RIMS4: variants seen among roughly 807,000 people sequenced by gnomAD.
RIMS4 encodes the protein regulating synaptic membrane exocytosis 4, also known as regulating synaptic membrane exocytosis protein 4.
RIMS4 carries 9 observed loss-of-function variants against 29.0 expected under a neutral mutation model. The observed-to-expected ratio is 0.31, with a 90% CI of 0.19 to 0.54. RIMS4 has a LOEUF of 0.54. Among genes scored for constraint, RIMS4 ranks in the 20% least tolerant of loss-of-function variants. RIMS4 has a pLI of 0.94. For missense variants in RIMS4, 193 were observed against 365.7 expected, an observed-to-expected ratio of 0.53 and a Z score of 3.85; for synonymous variants, 130 against 152.9, an observed-to-expected ratio of 0.85 and a Z score of 1.10.
chr20:44,795,393 TGG>T (rs1467773580), intron 1 of RIMS4, among the ~76,000 whole-genome samples: 6 of 152,174 alleles, frequency 3.9e-5, no homozygotes, highest in Non-Finnish European at 7.4e-5. Context: ...CCCAGCACTT[TGG>T]GAGGCTGAGG....
intron 1 of RIMS4, among the ~76,000 whole-genome samples, chr20:44,796,229 A>C (rs1056719902): frequency 6.6e-6 from 1 of 150,978 alleles, no homozygotes; most frequent in Non-Finnish European, 1.5e-5. Context: ...TACTTGTCTT[A>C]TATGCCTCTT....
intron 1 of RIMS4, among the ~76,000 whole-genome samples, chr20:44,782,873 C>A (rs558070527): frequency 1.2e-4 from 19 of 152,300 alleles, no homozygotes; most frequent in Admixed American, 1.2e-3. Context: ...CTCAAGACAC[C>A]AAATGGTTTG....
At chr20:44,773,215 G>A (rs116153390) in intron 1 of RIMS4, among the ~76,000 whole-genome samples, 138 of 152,236 alleles carry the variant, frequency 9.1e-4, no homozygotes, top group African/African-American at 3.2e-3. Context: ...TCTTCCCTGC[G>A]TGTTTCTGAA....
At chr20:44,780,435 T>G (rs536182876) in intron 1 of RIMS4, among the ~76,000 whole-genome samples, 1 of 152,322 alleles carries the variant, frequency 6.6e-6, no homozygotes, top group East Asian at 1.9e-4. Context: ...CTACGAAGCA[T>G]CCCTATCTGT....
Position 44,756,093 on chromosome 20 carries a change from G to T in RIMS4, c.*41C>A. ...CTGGGGTCCCAGGTCAGGGCTGGGT[G>T]GTCTCCAGGCCATCTTGGGGAGCCC... is the stretch of plus-strand genomic sequence containing the variant. On this transcript the variant is annotated 3_prime_UTR_variant, in exon 6 of 6. Transcript: ENST00000372851. The surrounding 1 kb of genome is among the most constrained non-coding windows in gnomAD (Gnocchi z 5.9). 1 of 1,489,014 alleles carries T rather than the reference G, an allele frequency of 6.7e-7. No individual in the cohort carries two copies. Among genetic ancestry groups the T allele is most frequent in the South Asian group, 1.2e-5 (1 of 80,588 alleles). 92.2% of individuals were successfully genotyped at this position (1,489,014 alleles called of 1,614,324 possible). A position where few individuals can be genotyped will look rare whatever the true frequency, so the allele number is the denominator to read the frequency against.
intron 1 of RIMS4, 119 bp downstream of exon 1, chr20:44,810,056 C>A: frequency 2.3e-6 from 1 of 429,482 alleles, no homozygotes. Context: ...GAAGGAGACC[C>A]TGGGGGCGCC....
At chr20:44,798,015 C>G (rs1319361822) in intron 1 of RIMS4, among the ~76,000 whole-genome samples, 1 of 152,206 alleles carries the variant, frequency 6.6e-6, no homozygotes, top group Non-Finnish European at 1.5e-5. Context: ...CATCCCACGA[C>G]AAATCAACTA....
At chr20:44,763,959 C>CATTT (rs1390414451) in intron 2 of RIMS4, among the ~76,000 whole-genome samples, 4 of 152,046 alleles carry the variant, frequency 2.6e-5, no homozygotes, top group Non-Finnish European at 4.4e-5. Flanking sequence ...TCCATCCATC[C>CATTT]ATCCATTTAT....
intron 1 of RIMS4, among the ~76,000 whole-genome samples, chr20:44,791,065 G>A (rs1295780116): frequency 6.6e-6 from 1 of 152,208 alleles, no homozygotes; most frequent in African/African-American, 2.4e-5. Flanking sequence ...TATCCCTGTG[G>A]AGACTGGCCT....
chr20:44,805,506 C>T (rs1037948777), intron 1 of RIMS4, among the ~76,000 whole-genome samples: 1 of 151,838 alleles, frequency 6.6e-6, no homozygotes, highest in Non-Finnish European at 1.5e-5. Flanking sequence ...GAGGAAGTGT[C>T]CTGCCCTGGA....
Position 44,810,285 on chromosome 20 carries a change from C to A in RIMS4, c.-14G>T. On this transcript the variant is annotated 5_prime_UTR_variant, in exon 1 of 6. Coordinates refer to ENST00000372851, the MANE Select transcript of RIMS4 (RefSeq NM_182970.4). The stretch of plus-strand genomic sequence containing the variant: ...CGAGCGCTCCATGCCCGCGCCGGCG[C>A]CGGGCGCCTCGGCCGCGGCGGCGGC... The A allele has an allele frequency of 2.7e-6, 3 of 1,106,880 alleles. No individual in the cohort carries two copies. Among genetic ancestry groups the A allele is most frequent in the South Asian group, 3.1e-5 (1 of 31,852 alleles). The allele number at this position is 1,106,880 out of a possible 1,614,324, so 68.6% of individuals were successfully genotyped here.
At position 44,755,104 on chromosome 20, in the gene RIMS4, TATAGG is replaced by T. The variant is rs1049649464; in HGVS notation, c.*1025_*1029del. The T allele has an allele frequency of 6.6e-6, 1 of 152,562 alleles. No individual in the cohort carries two copies. Among genetic ancestry groups the T allele is most frequent in the Non-Finnish European group, 1.5e-5 (1 of 68,024 alleles). The allele number at this position is 152,562 out of a possible 1,614,324, so 9.5% of individuals were successfully genotyped here. A position where few individuals can be genotyped will look rare whatever the true frequency, so the allele number is the denominator to read the frequency against. On this transcript the variant is annotated 3_prime_UTR_variant, in exon 6 of 6. Coordinates refer to ENST00000372851, the MANE Select transcript of RIMS4 (RefSeq NM_182970.4). ...CCGGGGCAGTGGGTTCTGCCCTTAG[TATAGG>T]ATGTTTTTTTTAAAAAGACTAAAAT... is the stretch of plus-strand genomic sequence containing the variant.
In RIMS4 at chr20:44,752,091, C is replaced by T. The variant is rs1031499156; in HGVS notation, c.*4043G>A. ...GCCCTGGGTTCGGCTCCATTCTGAC[C>T]TCCCTGAAGCGCTGGGTTAGACGGG... On this transcript the variant is annotated 3_prime_UTR_variant, in exon 6 of 6. Transcript: ENST00000372851. 1 of 152,262 alleles carries T rather than the reference C, an allele frequency of 6.6e-6. No individual in the cohort carries two copies. The highest frequency in any genetic ancestry group is 1.5e-5 in the Non-Finnish European group (1 of 68,094). 9.4% of individuals were successfully genotyped at this position (152,262 alleles called of 1,614,324 possible). A position where few individuals can be genotyped will look rare whatever the true frequency, so the allele number is the denominator to read the frequency against.
intron 1 of RIMS4, among the ~76,000 whole-genome samples, chr20:44,801,248 C>T (rs1029778082): frequency 3.9e-5 from 6 of 152,276 alleles, no homozygotes; most frequent in African/African-American, 4.8e-5. Context: ...AAGTCCCACC[C>T]GGAAACTATT....
chr20:44,777,430 AT>A (rs1332669485), intron 1 of RIMS4, among the ~76,000 whole-genome samples: 11 of 152,214 alleles, frequency 7.2e-5, no homozygotes, highest in Non-Finnish European at 8.8e-5. Flanking sequence ...TGTTTTTAGC[AT>A]TTACCCTGTA....
chr20:44,791,517 A>G (rs1305798736), intron 1 of RIMS4, among the ~76,000 whole-genome samples: 1 of 152,228 alleles, frequency 6.6e-6, no homozygotes, highest in Non-Finnish European at 1.5e-5. Context: ...GGAATGTGGC[A>G]TGTGCTCAGG....
intron 1 of RIMS4, among the ~76,000 whole-genome samples, chr20:44,780,734 G>C (rs1357139949): frequency 6.6e-6 from 1 of 151,826 alleles, no homozygotes; most frequent in African/African-American, 2.4e-5. Context: ...GCAGGCCAGA[G>C]TGCAATTTTT....
intron 1 of RIMS4, among the ~76,000 whole-genome samples, chr20:44,789,511 T>G (rs1195080984): frequency 2.0e-5 from 3 of 152,134 alleles, no homozygotes; most frequent in Admixed American, 6.5e-5. Flanking sequence ...TTAGCCAGGA[T>G]GGTCTCAATC....
chr20:44,784,666 G>T (rs2066200204), intron 1 of RIMS4, among the ~76,000 whole-genome samples: 1 of 152,176 alleles, frequency 6.6e-6, no homozygotes, highest in Non-Finnish European at 1.5e-5. Flanking sequence ...ACGCACGCTG[G>T]GTCTCCTACT....
Sources: gnomAD v4.1 joint callset for allele counts (sites outside exome capture counted in the v4.1 genomes callset) on GRCh38, gnomAD v4.1.1 for gene constraint, Gnocchi (gnomAD v3.1) non-coding constraint, MANE v1.5 for transcripts, NCBI Gene and HGNC (gene_info 2026-07-23, HGNC 2026-07-21) for gene names.